The following OXGR1 variants were observed in gnomAD, a reference collection of about 807,000 sequenced individuals.
The protein encoded by OXGR1 is 2-oxoglutarate receptor 1.
OXGR1 carries 10 observed loss-of-function variants against 10.0 expected under a neutral mutation model. That is an observed-to-expected ratio of 1.00 (90% CI 0.62 to 1.70). The LOEUF (loss-of-function observed/expected upper bound fraction) is 1.70. Among genes scored for constraint, OXGR1 ranks in the 40% most tolerant of loss-of-function variants. The pLI is 0.00. For missense variants in OXGR1, 398 were observed against 407.6 expected (o/e 0.98, Z 0.20); for synonymous variants, 191 against 155.9 (o/e 1.22, Z -1.68).
intron 3 of OXGR1, among the ~76,000 whole-genome samples, chr13:96,989,105 C>T (rs549738871): frequency 3.9e-4 from 59 of 152,056 alleles, no homozygotes; most frequent in Non-Finnish European, 7.9e-4. Context: ...CTACTGGGCA[C>T]ATAAGAAAAG....
In OXGR1 at chr13:96,986,631, T is replaced by C. The variant is rs1881750840; in HGVS notation, c.*115A>G. 3.5e-6 allele frequency: 4 copies of C among 1,128,956 alleles called. No homozygotes were observed. The highest frequency in any genetic ancestry group is 5.0e-6 in the Non-Finnish European group (4 of 802,486). The allele number at this position is 1,128,956 out of a possible 1,614,324, so 69.9% of individuals were successfully genotyped here. ...CTCTGCCCTGGCTTTGGCACATGAT[T>C]ACTTGAATACACAGTATTTACCAGG... On this transcript the variant is annotated 3_prime_UTR_variant, in exon 4 of 4. Coordinates refer to ENST00000541038, the MANE Select transcript of OXGR1 (RefSeq NM_001346194.2).
Position 96,986,969 on chromosome 13 carries a change from C to T in OXGR1, c.791G>A (p.Arg264Gln), listed in dbSNP as rs761797090. ...GATTGAAAGCAGGCGAGATTCGATC[C>T]GAATGACCCTCAAGATATGGAAGGG... is the stretch of plus-strand genomic sequence containing the variant. ...FLPFHILRVI[R>Q]IESRLLSISC... is the part of the protein sequence containing the mutation. The change falls in exon 4 of 4, where the codon CGG becomes CAG. Residue 264 changes from arginine to glutamine, a missense_variant. Arg to Gln is a conservative substitution (Grantham distance 43). Coordinates refer to ENST00000541038, the MANE Select transcript of OXGR1 (RefSeq NM_001346194.2). 4.0e-5 allele frequency: 65 copies of T among 1,613,916 alleles called. No individual in the cohort carries two copies. Among genetic ancestry groups the T allele is most frequent in the Non-Finnish European group, 4.8e-5 (57 of 1,180,020 alleles).
Sources: gnomAD v4.1 joint callset for allele counts (sites outside exome capture counted in the v4.1 genomes callset) on GRCh38, gnomAD v4.1.1 for gene constraint, MANE v1.5 for transcripts, NCBI Gene and HGNC (gene_info 2026-07-23, HGNC 2026-07-21) for gene names.